Variants in PCED1B observed in about 807,000 individuals in gnomAD.
The protein encoded by PCED1B is PC-esterase domain-containing protein 1B.
For missense variants in PCED1B, 573 were observed against 573.9 expected (o/e 1.00, Z 0.02); for synonymous variants, 251 against 246.1 (o/e 1.02, Z -0.19).
At chr12:47,198,685 G>T (rs1419193137) in intron 2 of PCED1B, among the ~76,000 whole-genome samples, 1 of 151,994 alleles carries the variant, frequency 6.6e-6, no homozygotes, top group Non-Finnish European at 1.5e-5. Flanking sequence ...CCCAAAGAAG[G>T]CAGGTGTGGT....
In PCED1B at chr12:47,236,107, C is replaced by A; in HGVS notation, c.1044C>A (p.Phe348Leu). ...PDACFSSDHTFQSDQFYCHSD... is the reference protein window; with the variant it reads ...PDACFSSDHTLQSDQFYCHSD... Reference sequence around the variant, plus strand: ...CCTGTTTTTCCTCAGACCATACTTTCCAGTCGGATCAATTCTATTGCCATT... The same window carrying A: ...CCTGTTTTTCCTCAGACCATACTTTACAGTCGGATCAATTCTATTGCCATT... The change falls in exon 4 of 4, where the codon TTC (phenylalanine) becomes TTA (leucine). Residue 348 changes from phenylalanine to leucine, a missense_variant. Coordinates refer to ENST00000546455, the MANE Select transcript of PCED1B (RefSeq NM_138371.3). The A allele has an allele frequency of 6.2e-7, 1 of 1,614,152 alleles. No homozygotes were observed. The highest frequency in any genetic ancestry group is 8.5e-7 in the Non-Finnish European group (1 of 1,180,034).
chr12:47,179,115 A>G (rs1307884818), intron 2 of PCED1B, among the ~76,000 whole-genome samples: 6 of 152,336 alleles, frequency 3.9e-5, no homozygotes, highest in East Asian at 3.9e-4. Flanking sequence ...AAAAAGCCCA[A>G]TTATCTACTG....
chr12:47,112,333 CAG>C (rs1939235216), intron 2 of PCED1B, among the ~76,000 whole-genome samples: 1 of 152,200 alleles, frequency 6.6e-6, no homozygotes, highest in Non-Finnish European at 1.5e-5. Flanking sequence ...CTTCCAAATA[CAG>C]AGTCTTGATT....
At chr12:47,176,469 CA>C (rs992226707) in intron 2 of PCED1B, among the ~76,000 whole-genome samples, 1 of 152,228 alleles carries the variant, frequency 6.6e-6, no homozygotes, top group African/African-American at 2.4e-5. Flanking sequence ...CTCTGGGGTT[CA>C]GAGACCTTCG....
At chr12:47,112,079 G>C (rs1468318763) in intron 2 of PCED1B, among the ~76,000 whole-genome samples, 1 of 152,190 alleles carries the variant, frequency 6.6e-6, no homozygotes, top group African/African-American at 2.4e-5. Context: ...TTGATTATGG[G>C]TGTGTATTAC....
chr12:47,101,487 T>C (rs1938703617), intron 1 of PCED1B, among the ~76,000 whole-genome samples: 1 of 152,208 alleles, frequency 6.6e-6, no homozygotes, highest in South Asian at 2.1e-4. Context: ...GCCCCAAAAC[T>C]TGTAACACAA....
At chr12:47,129,316 T>A (rs1395773111) in intron 2 of PCED1B, among the ~76,000 whole-genome samples, 1 of 151,692 alleles carries the variant, frequency 6.6e-6, no homozygotes, top group Non-Finnish European at 1.5e-5. Context: ...CCATGAAAAA[T>A]ATAAAAATTA....
At chr12:47,139,957 A>T (rs1230563921) in intron 2 of PCED1B, among the ~76,000 whole-genome samples, 1 of 147,098 alleles carries the variant, frequency 6.8e-6, no homozygotes, top group Non-Finnish European at 1.5e-5. Flanking sequence ...AAAATATTAG[A>T]TGATGTGTGT....
At chr12:47,140,676 T>C (rs879591496) in intron 2 of PCED1B, among the ~76,000 whole-genome samples, 11 of 152,238 alleles carry the variant, frequency 7.2e-5, no homozygotes, top group Non-Finnish European at 7.3e-5. Context: ...AAATGCTTCA[T>C]GTCTTGACAA....
intron 2 of PCED1B, among the ~76,000 whole-genome samples, chr12:47,197,562 C>T (rs1210076218): frequency 2.0e-5 from 3 of 150,854 alleles, no homozygotes; most frequent in Admixed American, 6.6e-5. Flanking sequence ...GAGTCCAGAT[C>T]GCGCCATTGC....
intron 3 of PCED1B, among the ~76,000 whole-genome samples, chr12:47,221,379 A>G (rs922739775): frequency 9.8e-5 from 13 of 132,076 alleles, no homozygotes; most frequent in African/African-American, 3.8e-4. Flanking sequence ...GGATATCACC[A>G]TGTTGTCCAG....
At chr12:47,126,930 A>C (rs1234639016) in intron 2 of PCED1B, among the ~76,000 whole-genome samples, 3 of 152,032 alleles carry the variant, frequency 2.0e-5, no homozygotes, top group Non-Finnish European at 4.4e-5. Context: ...TATTCAATGT[A>C]GTTGATTTTT....
intron 2 of PCED1B, among the ~76,000 whole-genome samples, chr12:47,171,835 TCTG>T (rs1410578555): frequency 1.3e-5 from 2 of 151,864 alleles, no homozygotes; most frequent in Non-Finnish European, 2.9e-5. Context: ...TTCTTCTTCT[TCTG>T]CTGCTGCTTC....
intron 2 of PCED1B, chr12:47,208,831 G>T (rs1942991011): frequency 6.6e-6 from 1 of 152,214 alleles, no homozygotes; most frequent in Non-Finnish European, 1.5e-5. Context: ...GACTGACACT[G>T]GCCGGGTGCA....
chr12:47,154,777 GCA>G (rs1243677651), intron 2 of PCED1B, among the ~76,000 whole-genome samples: 2 of 98,342 alleles, frequency 2.0e-5, no homozygotes, highest in African/African-American at 5.1e-5. Flanking sequence ...GTGTGTGTGT[GCA>G]TGTGTGTGTG....
rs77559284 is a variant in PCED1B at position 47,146,050 on chromosome 12, G to A, written c.-526+41855G>A. Among the ~76,000 whole-genome samples the A allele has an allele frequency of 5.2e-3, 788 of 152,292 alleles. 6 individuals are homozygous for A. The highest frequency in any genetic ancestry group is 0.017 in the African/African-American group (721 of 41,566). ...GTGAGAACATTCATGATTCATAGGA[G>A]GAAGTCAAAATATCAACATTAACAG... On this transcript the variant is annotated intron_variant, in intron 2 of 3. Coordinates refer to ENST00000546455, the MANE Select transcript of PCED1B (RefSeq NM_138371.3).
chr12:47,223,511 T>G (rs887570175), intron 3 of PCED1B: 1 of 152,164 alleles, frequency 6.6e-6, no homozygotes, highest in Non-Finnish European at 1.5e-5. Flanking sequence ...CAAAGATGTT[T>G]CCTTTCTTTT....
Position 47,129,600 on chromosome 12 carries a change from AT to A in PCED1B, c.-526+25412del, listed in dbSNP as rs201526416. Among the ~76,000 whole-genome samples the A allele has an allele frequency of 1.0e-3, 151 of 146,952 alleles. 1 individual carries two copies. In the East Asian group the frequency reaches 0.02, roughly 19 times the overall value. On this transcript the variant is annotated intron_variant, in intron 2 of 3. Coordinates refer to ENST00000546455, the MANE Select transcript of PCED1B (RefSeq NM_138371.3). ...CTAGTCCTAGCCAATTAAAAAAAAAATTTTTTTAAAGAAAAAAAAGAGTGGC... is the reference window on the plus strand; with the variant it reads ...CTAGTCCTAGCCAATTAAAAAAAAAATTTTTTAAAGAAAAAAAAGAGTGGC...
At chr12:47,221,728 G>C (rs897427840) in intron 3 of PCED1B, among the ~76,000 whole-genome samples, 1 of 152,138 alleles carries the variant, frequency 6.6e-6, no homozygotes, top group African/African-American at 2.4e-5. Flanking sequence ...TTTACATTTA[G>C]GGAGACTGTT....
Sources: allele counts gnomAD v4.1 joint callset (sites outside exome capture counted in the v4.1 genomes callset), GRCh38; gene constraint gnomAD v4.1.1; transcripts MANE v1.5; gene names NCBI Gene and HGNC (gene_info 2026-07-23, HGNC 2026-07-21).